EYA2: variants seen among roughly 807,000 people sequenced by gnomAD.
The protein encoded by EYA2 is protein phosphatase EYA2.
EYA2 carries 31 observed loss-of-function variants against 69.2 expected under a neutral mutation model. The observed-to-expected ratio is 0.45, with a 90% CI of 0.34 to 0.60. The LOEUF is 0.60. EYA2 is among the 20% of genes least tolerant of loss of function. The pLI is 0.02. For synonymous variants in EYA2, 257 were observed against 279.4 expected, an observed-to-expected ratio of 0.92 and a Z score of 0.80; for missense variants, 622 against 701.2, an observed-to-expected ratio of 0.89 and a Z score of 1.28.
chr20:46,972,636 G>T (rs1262884846), intron 1 of EYA2, among the ~76,000 whole-genome samples: 1 of 152,148 alleles, frequency 6.6e-6, no homozygotes, highest in Non-Finnish European at 1.5e-5. Flanking sequence ...AGCCCCAGGA[G>T]GTGGGGACCC....
chr20:47,130,390 G>A (rs1213012218), intron 9 of EYA2, among the ~76,000 whole-genome samples: 1 of 143,246 alleles, frequency 7.0e-6, no homozygotes, highest in Non-Finnish European at 1.5e-5. Context: ...TCAGCCTCCC[G>A]AGTAGCTGGG....
chr20:47,021,992 A>G (rs986777539), intron 5 of EYA2, among the ~76,000 whole-genome samples: 1 of 152,214 alleles, frequency 6.6e-6, no homozygotes, highest in Non-Finnish European at 1.5e-5. Context: ...GGAAAAAATA[A>G]AGGGGTTGGG....
Position 47,089,772 on chromosome 20 carries a change from G to A in EYA2, c.804+391G>A, listed in dbSNP as rs189993320. 2.0e-5 allele frequency among the ~76,000 whole-genome samples: 3 copies of A among 152,270 alleles called. No homozygotes were observed. In the East Asian group the frequency reaches 5.8e-4, roughly 29 times the overall value. On this transcript the variant is annotated intron_variant, in intron 8 of 15. Transcript: ENST00000327619. ...GAGAGTCCCTGATAAAGAAAAGAAT[G>A]GGCCTCCGACCTTCCAGCTGGGTTA...
intron 1 of EYA2, among the ~76,000 whole-genome samples, chr20:46,973,648 A>G (rs1980274822): frequency 6.6e-6 from 1 of 152,214 alleles, no homozygotes; most frequent in Non-Finnish European, 1.5e-5. Flanking sequence ...GAAGAGACAC[A>G]TTTGGAAAAA....
intron 1 of EYA2, among the ~76,000 whole-genome samples, chr20:46,897,492 CAG>C (rs765422333): frequency 6.6e-6 from 1 of 152,176 alleles, no homozygotes; most frequent in Non-Finnish European, 1.5e-5. Context: ...CGCAAGAGAG[CAG>C]AGTTATGCAG....
Position 47,096,142 on chromosome 20 carries a change from T to A in EYA2, c.805-943T>A, listed in dbSNP as rs146986654. ...CTGAGATATGACATTATTTTAATTA[T>A]GATGGAGTACAAGTAAAGAGAATAC... On this transcript the variant is annotated intron_variant, in intron 8 of 15. Transcript: ENST00000327619. 3.2e-4 allele frequency: 48 copies of A among 152,346 alleles called. No homozygotes were observed. In the East Asian group the frequency reaches 7.7e-3, roughly 24 times the overall value. The allele number at this position is 152,346 out of a possible 1,614,324, so 9.4% of individuals were successfully genotyped here.
intron 9 of EYA2, among the ~76,000 whole-genome samples, chr20:47,119,105 C>T (rs2032978714): frequency 6.6e-6 from 1 of 152,198 alleles, no homozygotes; most frequent in Non-Finnish European, 1.5e-5. Context: ...ACTTAACTAG[C>T]AGGTTGAGAA....
At chr20:47,010,962 T>A (rs998741091) in intron 4 of EYA2, among the ~76,000 whole-genome samples, 1 of 152,110 alleles carries the variant, frequency 6.6e-6, no homozygotes, top group Non-Finnish European at 1.5e-5. Context: ...TAATTTTTTG[T>A]ATTTTTAGTA....
intron 5 of EYA2, among the ~76,000 whole-genome samples, chr20:47,047,970 G>A (rs968007845): frequency 1.3e-5 from 2 of 151,956 alleles, no homozygotes; most frequent in African/African-American, 2.4e-5. Context: ...GAGCCACCGC[G>A]CCCCTGCCTC....
chr20:46,967,319 T>G (rs1264419360), intron 1 of EYA2, among the ~76,000 whole-genome samples: 1 of 152,252 alleles, frequency 6.6e-6, no homozygotes, highest in Non-Finnish European at 1.5e-5. Flanking sequence ...CAATTTAAAC[T>G]AGCCACATTT....
Position 46,903,110 on chromosome 20 carries a change from G to A in EYA2, c.-11+8123G>A, listed in dbSNP as rs148792731. ...CCATTTACTTAACAACACTTATTTA[G>A]CTGTGTTCTGGGCTGTTTACTGGAG... On this transcript the variant is annotated intron_variant, in intron 1 of 15. Transcript: ENST00000327619. Among the ~76,000 whole-genome samples, 336 of 152,254 alleles carry A rather than the reference G, an allele frequency of 2.2e-3. 3 individuals are homozygous for A. The highest frequency in any genetic ancestry group is 7.7e-3 in the African/African-American group (318 of 41,542).
Position 46,968,017 on chromosome 20 carries a change from G to C in EYA2, c.-10-21984G>C, listed in dbSNP as rs138675394. Among the ~76,000 whole-genome samples the C allele has an allele frequency of 3.1e-3, 477 of 152,300 alleles. 4 individuals carry two copies. Among genetic ancestry groups the C allele is most frequent in the African/African-American group, 0.011 (455 of 41,558 alleles). ...GTGATTGGTCTGGATGAGATATGGG[G>C]GATGGCTGCTGGAGGATGCTGATGG... is the stretch of plus-strand genomic sequence containing the variant. On this transcript the variant is annotated intron_variant, in intron 1 of 15. Transcript: ENST00000327619.
At chr20:47,112,886 T>TTTTTTTTTTC (rs1174729404) in intron 9 of EYA2, among the ~76,000 whole-genome samples, 5 of 141,802 alleles carry the variant, frequency 3.5e-5, no homozygotes, top group African/African-American at 1.3e-4. Flanking sequence ...TTTTTTTTTT[T>TTTTTTTTTTC]TTTGAGACGG....
Position 47,166,393 on chromosome 20 carries a change from T to TTA in EYA2, c.979-2746_979-2745insTA, listed in dbSNP as rs1555806208. Among the ~76,000 whole-genome samples, 251 of 34,520 alleles carry TTA rather than the reference T, an allele frequency of 7.3e-3. 36 individuals are homozygous for TTA. Among genetic ancestry groups the TTA allele is most frequent in the African/African-American group, 9.4e-3 (133 of 14,198 alleles). 22.6% of individuals were successfully genotyped at this position (34,520 alleles called of 152,430 possible). ...GCTTGGGTGACAGAGCAAGACTGTCTAAAAAAAAAAAAAAAAAAAAAAAAA... is the reference window on the plus strand; with the variant it reads ...GCTTGGGTGACAGAGCAAGACTGTCTTAAAAAAAAAAAAAAAAAAAAAAAAAA... On this transcript the variant is annotated intron_variant, in intron 10 of 15. Transcript: ENST00000327619.
At chr20:47,165,352 A>G (rs2034160448) in intron 10 of EYA2, among the ~76,000 whole-genome samples, 1 of 152,362 alleles carries the variant, frequency 6.6e-6, no homozygotes, top group Non-Finnish European at 1.5e-5. Flanking sequence ...GTAAAAGCTT[A>G]GGTGTAACCA....
At chr20:46,960,676 A>C (rs1416760341) in intron 1 of EYA2, among the ~76,000 whole-genome samples, 1 of 152,210 alleles carries the variant, frequency 6.6e-6, no homozygotes, top group Non-Finnish European at 1.5e-5. Context: ...ATTAGAACAC[A>C]GTCATCCCAT....
At chr20:47,078,322 C>T (rs866120543) in intron 7 of EYA2, among the ~76,000 whole-genome samples, 1,498 of 86,460 alleles carry the variant, frequency 0.017, 21 homozygotes, top group African/African-American at 0.041. Flanking sequence ...TGCACGTGCG[C>T]GCGCGCGCGC....
At chr20:47,041,903 T>C (rs1985092008) in intron 5 of EYA2, among the ~76,000 whole-genome samples, 2 of 152,162 alleles carry the variant, frequency 1.3e-5, no homozygotes, top group African/African-American at 2.4e-5. Flanking sequence ...GCCAAATTTA[T>C]AGCACTACCT....
At chr20:47,010,705 A>AT (rs1568722333) in intron 4 of EYA2, among the ~76,000 whole-genome samples, 19 of 150,968 alleles carry the variant, frequency 1.3e-4, no homozygotes, top group African/African-American at 3.6e-4. Context: ...GTACAAATAT[A>AT]AATATAATAT....
Sources: gnomAD v4.1 joint callset for allele counts (sites outside exome capture counted in the v4.1 genomes callset) on GRCh38, gnomAD v4.1.1 for gene constraint, MANE v1.5 for transcripts, NCBI Gene and HGNC (gene_info 2026-07-23, HGNC 2026-07-21) for gene names.